The following CDH13 variants were observed in gnomAD, a reference collection of about 807,000 sequenced individuals.
CDH13 encodes cadherin-13.
Under a neutral mutation model 63.8 loss-of-function variants are expected in CDH13, and 24 were observed. The observed-to-expected ratio is 0.38, with a 90% CI of 0.27 to 0.53. CDH13 has a LOEUF of 0.53. Ranked by LOEUF, CDH13 falls within the 20% of genes least tolerant of loss-of-function variation. The probability of loss-of-function intolerance (pLI) is 0.85; values close to 1 mark genes in which losing one functional copy is unlikely to be tolerated. For missense variants in CDH13, 1,049 were observed against 903.1 expected (o/e 1.16, Z -2.07); for synonymous variants, 503 against 355.3 (o/e 1.42, Z -4.67).
chr16:82,860,707 ATAT>A (rs2039910020), intron 2 of CDH13, among the ~76,000 whole-genome samples: 1 of 152,144 alleles, frequency 6.6e-6, no homozygotes, highest in East Asian at 1.9e-4. Flanking sequence ...AGCAATGAAC[ATAT>A]TATGAGTATA....
chr16:83,452,231 C>T (rs1275125757), intron 6 of CDH13, among the ~76,000 whole-genome samples: 2 of 152,136 alleles, frequency 1.3e-5, no homozygotes, highest in African/African-American at 4.8e-5. Flanking sequence ...GGTAGTATGT[C>T]AGCAATTCAG....
chr16:83,414,239 C>T (rs9921915), intron 6 of CDH13, among the ~76,000 whole-genome samples: 21,176 of 151,972 alleles, frequency 0.14, 1,771 homozygotes, highest in African/African-American at 0.24. Flanking sequence ...ATCTTTTTGT[C>T]GTAGCAGTTG....
Position 83,015,997 on chromosome 16 carries a change from C to T in CDH13, c.158-16013C>T, listed in dbSNP as rs140424688. Among the ~76,000 whole-genome samples the T allele has an allele frequency of 1.5e-3, 227 of 151,942 alleles. 3 individuals carry two copies. The highest frequency in any genetic ancestry group is 0.012 in the Admixed American group (185 of 15,218). ...TTTACTTCTTAAGGAAATATGTGAG[C>T]GCTATTGTTGTCGAGTGGAGAAATC... On this transcript the variant is annotated intron_variant, in intron 2 of 13. Transcript: ENST00000567109.
At chr16:83,124,025 G>A (rs1183894544) in intron 3 of CDH13, among the ~76,000 whole-genome samples, 4 of 152,086 alleles carry the variant, frequency 2.6e-5, no homozygotes, top group Non-Finnish European at 5.9e-5. Context: ...GTCTGTTCAT[G>A]TTGTTTGCCC....
At chr16:83,021,427 G>C (rs917850057) in intron 2 of CDH13, among the ~76,000 whole-genome samples, 3 of 152,194 alleles carry the variant, frequency 2.0e-5, no homozygotes, top group Admixed American at 2.0e-4. Flanking sequence ...TCCACGGCAA[G>C]AGGAGAACGT....
At chr16:83,272,766 A>C (rs1416676665) in intron 5 of CDH13, among the ~76,000 whole-genome samples, 1 of 152,168 alleles carries the variant, frequency 6.6e-6, no homozygotes, top group African/African-American at 2.4e-5. Flanking sequence ...ACTGGAGGAA[A>C]GGCAGAGCTG....
intron 5 of CDH13, among the ~76,000 whole-genome samples, chr16:83,223,258 C>T (rs949086052): frequency 6.6e-6 from 1 of 152,158 alleles, no homozygotes; most frequent in Non-Finnish European, 1.5e-5. Flanking sequence ...CAATATGGTG[C>T]CTGGCACCTT....
At chr16:83,091,752 A>G (rs2033923826) in intron 3 of CDH13, among the ~76,000 whole-genome samples, 1 of 152,182 alleles carries the variant, frequency 6.6e-6, no homozygotes, top group Non-Finnish European at 1.5e-5. Flanking sequence ...TGTTTTGTTC[A>G]CTACATACTA....
At chr16:82,658,333 A>G (rs570011141) in intron 1 of CDH13, among the ~76,000 whole-genome samples, 7 of 152,348 alleles carry the variant, frequency 4.6e-5, no homozygotes, top group African/African-American at 9.6e-5. Context: ...CTGGTTCCCA[A>G]TAGTTGATTT....
At chr16:82,888,869 A>G (rs553902161) in intron 2 of CDH13, among the ~76,000 whole-genome samples, 1 of 152,282 alleles carries the variant, frequency 6.6e-6, no homozygotes, top group East Asian at 1.9e-4. Context: ...GCCGGTTATA[A>G]AATGTCTGTC....
chr16:83,157,253 C>A (rs1392435319), intron 4 of CDH13, among the ~76,000 whole-genome samples: 1 of 151,732 alleles, frequency 6.6e-6, no homozygotes, highest in Non-Finnish European at 1.5e-5. Flanking sequence ...GGTGAGATGA[C>A]TACAGGTAAC....
At chr16:82,632,676 C>T (rs1010743728) in intron 1 of CDH13, among the ~76,000 whole-genome samples, 2 of 152,172 alleles carry the variant, frequency 1.3e-5, no homozygotes, top group African/African-American at 2.4e-5. Context: ...GGACCGGTTT[C>T]GTGGAAGACA....
chr16:82,717,146 T>G (rs1173590221), intron 1 of CDH13, among the ~76,000 whole-genome samples: 1 of 151,988 alleles, frequency 6.6e-6, no homozygotes, highest in African/African-American at 2.4e-5. Context: ...CAACAGGACA[T>G]GAATTGAGCA....
At chr16:82,740,110 C>T (rs1029593119) in intron 1 of CDH13, among the ~76,000 whole-genome samples, 1 of 152,186 alleles carries the variant, frequency 6.6e-6, no homozygotes, top group Non-Finnish European at 1.5e-5. Flanking sequence ...ACAGCTTACT[C>T]ATAAGACTGA....
intron 11 of CDH13, among the ~76,000 whole-genome samples, chr16:83,771,096 ACAGCCTGCCTGGTTTGCTT>A (rs1192381232): frequency 6.6e-6 from 1 of 152,206 alleles, no homozygotes; most frequent in Non-Finnish European, 1.5e-5. Flanking sequence ...GCTCAAAGCA[ACAGCCTGCCTGGTTTGCTT>A]GGACTTTTCC....
intron 2 of CDH13, among the ~76,000 whole-genome samples, chr16:82,895,582 T>C (rs1197377579): frequency 6.6e-6 from 1 of 152,150 alleles, no homozygotes; most frequent in Non-Finnish European, 1.5e-5. Flanking sequence ...TTATGCGCTG[T>C]ATGGGTTGGG....
chr16:83,217,618 G>A, intron 5 of CDH13, 121 bp downstream of exon 5: 1 of 993,886 alleles, frequency 1.0e-6, no homozygotes, highest in Non-Finnish European at 1.5e-6. Context: ...TGGCTTTAGG[G>A]TGTTTCTGTG....
Sources: gnomAD v4.1 joint callset for allele counts (sites outside exome capture counted in the v4.1 genomes callset) on GRCh38, gnomAD v4.1.1 for gene constraint, MANE v1.5 for transcripts, NCBI Gene and HGNC (gene_info 2026-07-23, HGNC 2026-07-21) for gene names.